Variants in FAM24B observed in about 807,000 individuals in gnomAD.
FAM24B encodes the protein family with sequence similarity 24 member B, also known as protein FAM24B.
In FAM24B, 3 loss-of-function variants were observed where a neutral mutation model predicts 2.3. The observed-to-expected ratio is 1.29, with a 90% CI of 0.59 to 3.32. The LOEUF (loss-of-function observed/expected upper bound fraction) is 3.32. Ranked by LOEUF, FAM24B falls within the 30% of genes most tolerant of loss-of-function variation. The pLI is 0.03. For missense variants in FAM24B, 98 were observed against 117.2 expected (o/e 0.84, Z 0.76); for synonymous variants, 36 against 46.3 (o/e 0.78, Z 0.90).
At chr10:122,852,473 AT>A (rs1566247756) in intron 2 of FAM24B, among the ~76,000 whole-genome samples, 1 of 152,214 alleles carries the variant, frequency 6.6e-6, no homozygotes, top group African/African-American at 2.4e-5. Context: ...CCAGGTTCTT[AT>A]AATGAAGACA....
At chr10:122,864,918 G>A (rs556387501) in intron 1 of FAM24B, among the ~76,000 whole-genome samples, 63 of 152,152 alleles carry the variant, frequency 4.1e-4, no homozygotes, top group Middle Eastern at 6.8e-3. Flanking sequence ...TTTTTATCAC[G>A]GAATAATATT....
chr10:122,869,179 G>A (rs543985218), intron 1 of FAM24B, among the ~76,000 whole-genome samples: 229 of 152,156 alleles, frequency 1.5e-3, no homozygotes, highest in Non-Finnish European at 2.5e-3. Flanking sequence ...GATCAAAAGA[G>A]ACAAAGAAGG....
intron 1 of FAM24B, among the ~76,000 whole-genome samples, chr10:122,867,126 T>C (rs892374559): frequency 3.3e-5 from 5 of 152,228 alleles, no homozygotes; most frequent in African/African-American, 1.2e-4. Flanking sequence ...AGCCACAACA[T>C]TCCCTCAAGC....
chr10:122,849,902 G>A (rs1288888896), intron 3 of FAM24B, among the ~76,000 whole-genome samples: 3 of 152,208 alleles, frequency 2.0e-5, no homozygotes, highest in East Asian at 1.9e-4. Context: ...TTTTCACACG[G>A]TTCAGCTGTC....
intron 1 of FAM24B, among the ~76,000 whole-genome samples, chr10:122,859,510 C>A (rs1049301956): frequency 3.3e-4 from 50 of 152,138 alleles, no homozygotes; most frequent in African/African-American, 1.2e-3. Flanking sequence ...GGCATTCCAC[C>A]AAGCCTCAGA....
intron 1 of FAM24B, among the ~76,000 whole-genome samples, chr10:122,866,602 C>T (rs1459002027): frequency 2.0e-5 from 3 of 151,994 alleles, no homozygotes; most frequent in African/African-American, 4.8e-5. Flanking sequence ...ATATTTCAAA[C>T]TTTTGCTTTA....
intron 1 of FAM24B, among the ~76,000 whole-genome samples, chr10:122,870,502 A>C (rs1232212234): frequency 6.6e-6 from 1 of 152,210 alleles, no homozygotes; most frequent in African/African-American, 2.4e-5. Flanking sequence ...ATTTTAGACC[A>C]ATATCCTTGA....
chr10:122,873,646 T>C (rs1484462253), intron 1 of FAM24B, among the ~76,000 whole-genome samples: 1 of 152,254 alleles, frequency 6.6e-6, no homozygotes, highest in African/African-American at 2.4e-5. Flanking sequence ...TAGATAGCAA[T>C]TTCTCACAGT....
intron 2 of FAM24B, chr10:122,850,778 A>C: frequency 2.4e-6 from 1 of 417,246 alleles, no homozygotes; most frequent in Non-Finnish European, 4.4e-6. Flanking sequence ...TGGAAATGCA[A>C]AGTCCAGAGA....
At chr10:122,872,480 T>C (rs534576729) in intron 1 of FAM24B, among the ~76,000 whole-genome samples, 1 of 152,220 alleles carries the variant, frequency 6.6e-6, no homozygotes, top group Non-Finnish European at 1.5e-5. Flanking sequence ...TAAAGACACA[T>C]GCACACATAT....
chr10:122,871,248 C>G (rs889340300), intron 1 of FAM24B, among the ~76,000 whole-genome samples: 2 of 151,798 alleles, frequency 1.3e-5, no homozygotes, highest in African/African-American at 4.8e-5. Flanking sequence ...AGGACCTCTT[C>G]AAGGAGAACT....
chr10:122,849,898 C>A lies in FAM24B; in HGVS notation c.93-459G>T, dbSNP rs138257824. 6.8e-4 allele frequency among the ~76,000 whole-genome samples: 104 copies of A among 152,282 alleles called. 1 individual carries two copies. The East Asian group carries it at 0.018, about 27-fold the overall frequency. On this transcript the variant is annotated intron_variant, in intron 3 of 3. Coordinates refer to ENST00000368898, the MANE Select transcript of FAM24B (RefSeq NM_152644.3). ...TGTCCACTGTTCCCCAGGTTTTTCACACGGTTCAGCTGTCCCTGAGATCTA... is the reference window on the plus strand; with the variant it reads ...TGTCCACTGTTCCCCAGGTTTTTCAAACGGTTCAGCTGTCCCTGAGATCTA...
intron 2 of FAM24B, among the ~76,000 whole-genome samples, chr10:122,852,182 C>G (rs1847550270): frequency 6.6e-6 from 1 of 152,170 alleles, no homozygotes; most frequent in Non-Finnish European, 1.5e-5. Flanking sequence ...TGAATAAAAG[C>G]TGAATCAACA....
chr10:122,866,020 A>T (rs1197478481), intron 1 of FAM24B, among the ~76,000 whole-genome samples: 3 of 151,050 alleles, frequency 2.0e-5, no homozygotes, highest in African/African-American at 7.3e-5. Flanking sequence ...CTCCTGCCCT[A>T]GCCTCCCGAG....
At position 122,849,313 on chromosome 10, in the gene FAM24B, T is replaced by A. The variant is rs1264045411; in HGVS notation, c.219A>T (p.Gly73=). ...ESCPALQCCE[G]YRMCASFDSL... ...AATCAAAACTGGCACACATTCTATATCCTTCACAGCACTGCAGGGCAGGAC... is the reference window on the plus strand; with the variant it reads ...AATCAAAACTGGCACACATTCTATAACCTTCACAGCACTGCAGGGCAGGAC... The change falls in exon 4 of 4, where the codon GGA becomes GGT. Residue 73 remains glycine (G), a synonymous_variant. Coordinates refer to ENST00000368898, the MANE Select transcript of FAM24B (RefSeq NM_152644.3). 18 of 1,609,968 alleles carry A rather than the reference T, an allele frequency of 1.1e-5. No homozygotes were observed. Among genetic ancestry groups the A allele is most frequent in the African/African-American group, 2.7e-5 (2 of 74,770 alleles).
chr10:122,862,383 A>G (rs1231089553), intron 1 of FAM24B, among the ~76,000 whole-genome samples: 2 of 152,226 alleles, frequency 1.3e-5, no homozygotes, highest in African/African-American at 2.4e-5. Flanking sequence ...ATTCCCTAGA[A>G]TAAGACTCAG....
intron 1 of FAM24B, among the ~76,000 whole-genome samples, chr10:122,858,392 G>A (rs565893952): frequency 4.8e-4 from 71 of 147,326 alleles, no homozygotes; most frequent in African/African-American, 1.3e-3. Context: ...ATCACACACC[G>A]GGGCCTATCG....
At chr10:122,865,553 T>C (rs889528000) in intron 1 of FAM24B, among the ~76,000 whole-genome samples, 13 of 152,216 alleles carry the variant, frequency 8.5e-5, no homozygotes, top group African/African-American at 3.1e-4. Flanking sequence ...TCTGTGTTCA[T>C]GAGAGGTATT....
chr10:122,857,144 T>C (rs1031416549), intron 1 of FAM24B, among the ~76,000 whole-genome samples: 2 of 152,242 alleles, frequency 1.3e-5, no homozygotes, highest in Admixed American at 6.5e-5. Context: ...CTCTCTCTGA[T>C]GCTCCACCCA....
Sources: gnomAD v4.1 joint callset for allele counts (sites outside exome capture counted in the v4.1 genomes callset) on GRCh38, gnomAD v4.1.1 for gene constraint, MANE v1.5 for transcripts, NCBI Gene and HGNC (gene_info 2026-07-23, HGNC 2026-07-21) for gene names.